The following MTHFD1 variants were observed in gnomAD, a reference collection of about 807,000 sequenced individuals.
MTHFD1 encodes methylenetetrahydrofolate dehydrogenase, cyclohydrolase and formyltetrahydrofolate synthetase 1.
A neutral mutation model predicts 110.3 loss-of-function variants in MTHFD1; 44 were observed. That is an observed-to-expected ratio of 0.40 (90% confidence interval 0.31 to 0.51). The LOEUF (loss-of-function observed/expected upper bound fraction) is 0.51. Ranked by LOEUF, MTHFD1 falls within the 20% of genes least tolerant of loss-of-function variation. MTHFD1 has a pLI of 0.60. For missense variants in MTHFD1, 909 were observed against 1,173.1 expected (o/e 0.77, Z 3.29); for synonymous variants, 402 against 428.8 (o/e 0.94, Z 0.77).
intron 21 of MTHFD1, among the ~76,000 whole-genome samples, chr14:64,442,761 C>A (rs1311818822): frequency 6.6e-6 from 1 of 152,154 alleles, no homozygotes; most frequent in Non-Finnish European, 1.5e-5. Flanking sequence ...GGCAACCAGC[C>A]AACCAAACCA....
In MTHFD1 at chr14:64,440,384, C is replaced by T. The variant is rs756954309; in HGVS notation, c.1815+118C>T. Reference sequence around the variant, plus strand: ...ACTTAAGACATTGCAATTAATTCATCAATTTAATCCTATTTTGCTAATTAC... The same window carrying T: ...ACTTAAGACATTGCAATTAATTCATTAATTTAATCCTATTTTGCTAATTAC... On this transcript the variant is annotated intron_variant, in intron 18 of 27. Transcript: ENST00000652337. The T allele has an allele frequency of 1.1e-5, 14 of 1,219,632 alleles. No homozygotes were observed. The South Asian group carries it at 1.5e-4, about 13-fold the overall frequency. 75.6% of individuals were successfully genotyped at this position (1,219,632 alleles called of 1,614,324 possible). A position where few individuals can be genotyped will look rare whatever the true frequency, so the allele number is the denominator to read the frequency against.
At chr14:64,425,210 CT>C (rs60509639) in intron 9 of MTHFD1, among the ~76,000 whole-genome samples, 8,023 of 128,690 alleles carry the variant, frequency 0.062, 291 homozygotes, top group African/African-American at 0.16. Context: ...CCTTCCCTTT[CT>C]TTTTTTTTTT....
rs570241209 is a variant in MTHFD1 at position 64,448,961 on chromosome 14, A to G, written c.2280-484A>G. ...ACTACAGGTGCCTGCCACCATGCCC[A>G]GCTAATTTTTTGTATTTTTAGTAGA... On this transcript the variant is annotated intron_variant, in intron 23 of 27. Transcript: ENST00000652337. The G allele has an allele frequency of 1.2e-3, 283 of 227,498 alleles. 2 individuals carry two copies. In the South Asian group the frequency reaches 0.017, roughly 14 times the overall value. The allele number at this position is 227,498 out of a possible 1,614,324, so 14.1% of individuals were successfully genotyped here.
intron 2 of MTHFD1, among the ~76,000 whole-genome samples, chr14:64,405,229 T>C (rs1014977470): frequency 5.3e-5 from 8 of 152,226 alleles, no homozygotes; most frequent in African/African-American, 1.9e-4. Context: ...GTAAATGTCA[T>C]AGGCAAGAAG....
rs913249787 is a variant in MTHFD1 at position 64,449,298 on chromosome 14, C to T, written c.2280-147C>T. Reference sequence around the variant, plus strand: ...CCAAAAGTCACCAGCTAGTAAGTTTCGGAGCTGAGATTCAAACCCAGGCCA... The same window carrying T: ...CCAAAAGTCACCAGCTAGTAAGTTTTGGAGCTGAGATTCAAACCCAGGCCA... On this transcript the variant is annotated intron_variant, in intron 23 of 27. Transcript: ENST00000652337. 20 of 864,826 alleles carry T rather than the reference C, an allele frequency of 2.3e-5. 1 individual carries two copies. The highest frequency in any genetic ancestry group is 5.0e-5 in the African/African-American group (3 of 60,254). The allele number at this position is 864,826 out of a possible 1,614,324, so 53.6% of individuals were successfully genotyped here. A position where few individuals can be genotyped will look rare whatever the true frequency, so the allele number is the denominator to read the frequency against.
intron 27 of MTHFD1, 40 bp downstream of exon 27, chr14:64,458,347 T>G: frequency 7.9e-7 from 1 of 1,271,250 alleles, no homozygotes; most frequent in Non-Finnish European, 1.2e-6. Flanking sequence ...TTTTTCCTCA[T>G]GTAGCTTATT....
chr14:64,415,649 A>G lies in MTHFD1; in HGVS notation c.388A>G (p.Ile130Val), dbSNP rs375190456. 27 of 1,612,268 alleles carry G rather than the reference A, an allele frequency of 1.7e-5. No individual in the cohort carries two copies. In the African/African-American group the frequency reaches 2.8e-4, roughly 17 times the overall value. The change falls in exon 6 of 28, where the codon ATC becomes GTC. Residue 130 changes from isoleucine to valine, a missense_variant. By Grantham distance (29) the Ile-to-Val change is conservative (BLOSUM62 3). Transcript: ENST00000652337. ...CATCACTTTTTTAAGATTGACTAGC[A>G]TCAATGCTGGGAAACTTGCTAGAGG... Reference protein sequence around the residue: ...PEKDVDGLTSINAGKLARGDL... With the variant: ...PEKDVDGLTSVNAGKLARGDL...
At chr14:64,418,153 A>G (rs756131432) in intron 7 of MTHFD1, 129 bp downstream of exon 7, 173 of 1,241,074 alleles carry the variant, frequency 1.4e-4, no homozygotes, top group Non-Finnish European at 1.5e-4. Context: ...GAAAAAACAA[A>G]TTCAAATTAA....
At chr14:64,400,281 G>A (rs1475407347) in intron 1 of MTHFD1, among the ~76,000 whole-genome samples, 3 of 152,018 alleles carry the variant, frequency 2.0e-5, no homozygotes, top group Admixed American at 2.0e-4. Flanking sequence ...CTAGCTACTC[G>A]GGAGGCTGAG....
intron 27 of MTHFD1, chr14:64,458,615 G>A (rs2078512508): frequency 2.4e-6 from 1 of 416,028 alleles, no homozygotes; most frequent in African/African-American, 2.0e-5. Flanking sequence ...TCCCTCTGCT[G>A]AAGCCCCAGG....
In MTHFD1 at chr14:64,442,409, G is replaced by C; in HGVS notation, c.2136+7G>C. The stretch of plus-strand genomic sequence containing the variant: ...GCACGGGGGCGGCCCCACGGTGAGT[G>C]GTGGGTTGAAGTATCTGATTATCGG... On this transcript the variant is annotated splice_region_variant and intron_variant, in intron 21 of 27. Coordinates refer to ENST00000652337, the MANE Select transcript of MTHFD1 (RefSeq NM_005956.4). 1 of 1,613,928 alleles carries C rather than the reference G, an allele frequency of 6.2e-7. No homozygotes were observed. Among genetic ancestry groups the C allele is most frequent in the Non-Finnish European group, 8.5e-7 (1 of 1,180,000 alleles).
At chr14:64,431,890 T>C in intron 15 of MTHFD1, 29 bp downstream of exon 15, 1 of 1,584,584 alleles carries the variant, frequency 6.3e-7, no homozygotes, top group Non-Finnish European at 8.7e-7. Context: ...ACATTTTTTA[T>C]ATTGTATGGA....
chr14:64,425,333 C>T (rs1480629015), intron 9 of MTHFD1, among the ~76,000 whole-genome samples: 3 of 151,850 alleles, frequency 2.0e-5, no homozygotes, highest in Non-Finnish European at 4.4e-5. Context: ...CTGCCTCAGC[C>T]TCCTGAGTAG....
intron 17 of MTHFD1, 194 bp downstream of exon 17, chr14:64,439,366 TG>T: frequency 1.6e-6 from 1 of 607,502 alleles, no homozygotes. Flanking sequence ...ATGTGTCACC[TG>T]TGTGTTTTTC....
At chr14:64,428,127 T>C (rs1371348733) in intron 12 of MTHFD1, among the ~76,000 whole-genome samples, 1 of 111,130 alleles carries the variant, frequency 9.0e-6, no homozygotes, top group African/African-American at 3.4e-5. Flanking sequence ...TTTTTTTTTT[T>C]GAGACAGGGT....
intron 3 of MTHFD1, 90 bp from the exon 4 acceptor site, chr14:64,412,382 C>A: frequency 1.1e-6 from 1 of 946,032 alleles, no homozygotes; most frequent in Non-Finnish European, 1.7e-6. Flanking sequence ...TGACCAACAC[C>A]TCCTTGCTTG....
intron 6 of MTHFD1, 75 bp downstream of exon 6, chr14:64,415,814 A>C: frequency 7.0e-7 from 1 of 1,428,254 alleles, no homozygotes; most frequent in East Asian, 2.4e-5. Context: ...GGCATAGAGG[A>C]GGTACATTGT....
At position 64,426,036 on chromosome 14, in the gene MTHFD1, G is replaced by T. The variant is rs531403942; in HGVS notation, c.971G>T (p.Arg324Leu). The T allele has an allele frequency of 1.2e-6, 2 of 1,613,516 alleles. No individual in the cohort carries two copies. Among genetic ancestry groups the T allele is most frequent in the Admixed American group, 1.7e-5 (1 of 60,016 alleles). Residue 324 changes from arginine to leucine, a missense_variant, in exon 11 of 28, where the codon CGA becomes CTA. Arg to Leu is a moderately radical substitution (Grantham distance 102, BLOSUM62 -2). Transcript: ENST00000652337. Reference sequence around the variant, plus strand: ...TTCCAAAGTGACATTGATATATCACGATCTTGTAAACCGAAGCCCATTGGT... The same window carrying T: ...TTCCAAAGTGACATTGATATATCACTATCTTGTAAACCGAAGCCCATTGGT... ...TPVPSDIDISRSCKPKPIGKL... is the reference protein window; with the variant it reads ...TPVPSDIDISLSCKPKPIGKL...
At chr14:64,455,010 T>C in intron 26 of MTHFD1, 135 bp downstream of exon 26, 1 of 876,768 alleles carries the variant, frequency 1.1e-6, no homozygotes, top group Non-Finnish European at 1.9e-6. Context: ...CCTATTATGA[T>C]TGCTGTGGAT....
Sources: gnomAD v4.1 joint callset for allele counts (sites outside exome capture counted in the v4.1 genomes callset) on GRCh38, gnomAD v4.1.1 for gene constraint, MANE v1.5 for transcripts, NCBI Gene and HGNC (gene_info 2026-07-23, HGNC 2026-07-21) for gene names.